The following CSMD1 variants were observed in gnomAD, a reference collection of about 807,000 sequenced individuals.
The protein encoded by CSMD1 is CUB and sushi domain-containing protein 1.
In CSMD1, 213 loss-of-function variants were observed where a neutral mutation model predicts 417.5. That is an observed-to-expected ratio of 0.51 (90% CI 0.46 to 0.57). The LOEUF (loss-of-function observed/expected upper bound fraction) is 0.57. Ranked by LOEUF, CSMD1 falls within the 20% of genes least tolerant of loss-of-function variation. CSMD1 has a pLI of 0.00. For synonymous variants in CSMD1, 2,862 were observed against 1,736.8 expected (o/e 1.65, Z -16.11); for missense variants, 6,923 against 4,529.7 (o/e 1.53, Z -15.17).
intron 26 of CSMD1, among the ~76,000 whole-genome samples, chr8:3,261,307 C>T (rs1367222414): frequency 1.3e-5 from 2 of 152,110 alleles, no homozygotes; most frequent in African/African-American, 4.8e-5. Flanking sequence ...AATTATTTGG[C>T]AGTTAAAAGC....
intron 2 of CSMD1, among the ~76,000 whole-genome samples, chr8:4,520,597 G>A (rs750433056): frequency 1.9e-4 from 29 of 152,076 alleles, no homozygotes; most frequent in Non-Finnish European, 2.9e-4. Context: ...GGGGGCGAAC[G>A]CAGAGCCAAA....
rs571854978 is a variant in CSMD1 at position 4,123,222 on chromosome 8, C to A, written c.416-91123G>T. ...GTTAGGAATTCCTTAGAGCCAAGTT[C>A]ACAGTTAATGACAGAAACATGTAGT... On this transcript the variant is annotated intron_variant, in intron 3 of 69. Coordinates refer to ENST00000635120, the MANE Select transcript of CSMD1 (RefSeq NM_033225.6). 1.8e-4 allele frequency among the ~76,000 whole-genome samples: 27 copies of A among 152,294 alleles called. No homozygotes were observed. In the South Asian group the frequency reaches 5.4e-3, roughly 30 times the overall value.
chr8:3,792,030 A>T (rs952681212), intron 5 of CSMD1, among the ~76,000 whole-genome samples: 3 of 152,130 alleles, frequency 2.0e-5, no homozygotes, highest in African/African-American at 7.2e-5. Context: ...TTTGACAGTC[A>T]ATTAACTTGG....
In CSMD1 at chr8:3,960,718, G is replaced by A. The variant is rs542358413; in HGVS notation, c.818+37185C>T. ...TTTAATAAGATATATTTCTTTTTAA[G>A]GATAAATTTAATTCATTTTTATAAT... On this transcript the variant is annotated intron_variant, in intron 5 of 69. Coordinates refer to ENST00000635120, the MANE Select transcript of CSMD1 (RefSeq NM_033225.6). Among the ~76,000 whole-genome samples, 57 of 151,614 alleles carry A rather than the reference G, an allele frequency of 3.8e-4. No homozygotes were observed. In the South Asian group the frequency reaches 0.011, roughly 30 times the overall value.
intron 3 of CSMD1, among the ~76,000 whole-genome samples, chr8:4,296,875 T>G (rs1293478146): frequency 6.8e-6 from 1 of 146,688 alleles, no homozygotes; most frequent in Non-Finnish European, 1.6e-5. Flanking sequence ...AGACTCCCAA[T>G]TTTTTTAAAA....
At chr8:4,270,020 T>G (rs1258235586) in intron 3 of CSMD1, among the ~76,000 whole-genome samples, 1 of 152,200 alleles carries the variant, frequency 6.6e-6, no homozygotes, top group Non-Finnish European at 1.5e-5. Context: ...GCTTCAACTC[T>G]GCAGTGTATT....
intron 1 of CSMD1, among the ~76,000 whole-genome samples, chr8:4,932,677 T>C (rs1415442391): frequency 1.3e-5 from 2 of 152,194 alleles, no homozygotes; most frequent in Admixed American, 6.5e-5. Flanking sequence ...CAGGAATGAA[T>C]GACACAGTAA....
chr8:3,539,447 G>A (rs1798346694), intron 10 of CSMD1, among the ~76,000 whole-genome samples: 1 of 152,114 alleles, frequency 6.6e-6, no homozygotes, highest in Admixed American at 6.5e-5. Flanking sequence ...ATGACAGTTG[G>A]GTTTATGTGT....
At chr8:3,363,191 C>G (rs1809312374) in intron 20 of CSMD1, among the ~76,000 whole-genome samples, 1 of 152,170 alleles carries the variant, frequency 6.6e-6, no homozygotes, top group Non-Finnish European at 1.5e-5. Context: ...GCTTCACAAT[C>G]AAGTCTCAGC....
intron 3 of CSMD1, among the ~76,000 whole-genome samples, chr8:4,191,546 T>G (rs1274158800): frequency 6.6e-6 from 1 of 152,174 alleles, no homozygotes; most frequent in Non-Finnish European, 1.5e-5. Context: ...TCATCTGAAC[T>G]ACAACTGAAA....
chr8:2,962,134 G>A (rs1803545727), intron 61 of CSMD1, among the ~76,000 whole-genome samples: 1 of 152,182 alleles, frequency 6.6e-6, no homozygotes, highest in African/African-American at 2.4e-5. Context: ...TCTGGGGAGG[G>A]CTGCTTTAGA....
intron 3 of CSMD1, among the ~76,000 whole-genome samples, chr8:4,415,406 A>G (rs548447370): frequency 6.6e-6 from 1 of 152,256 alleles, no homozygotes; most frequent in African/African-American, 2.4e-5. Flanking sequence ...CGGGTTTGAC[A>G]CAAAGTAGGC....
chr8:3,500,343 T>C (rs1191846709), intron 10 of CSMD1, among the ~76,000 whole-genome samples: 1 of 152,138 alleles, frequency 6.6e-6, no homozygotes, highest in Non-Finnish European at 1.5e-5. Context: ...TTTAGACATT[T>C]CTAGATGGTA....
chr8:4,727,747 G>A (rs1203182303), intron 1 of CSMD1, among the ~76,000 whole-genome samples: 1 of 151,608 alleles, frequency 6.6e-6, no homozygotes, highest in Non-Finnish European at 1.5e-5. Flanking sequence ...TTTCTTCTCT[G>A]AATCTCAGTT....
At chr8:4,720,441 G>A (rs1188621299) in intron 1 of CSMD1, among the ~76,000 whole-genome samples, 1 of 152,006 alleles carries the variant, frequency 6.6e-6, no homozygotes, top group Non-Finnish European at 1.5e-5. Flanking sequence ...TTTTTGAGAT[G>A]GAGTCTTGCT....
chr8:4,108,769 G>T (rs568990394), intron 3 of CSMD1, among the ~76,000 whole-genome samples: 1 of 151,646 alleles, frequency 6.6e-6, no homozygotes, highest in Non-Finnish European at 1.5e-5. Flanking sequence ...AGCTCATTAA[G>T]ATCTGAAATA....
chr8:4,864,350 CA>C (rs1199658845), intron 1 of CSMD1, among the ~76,000 whole-genome samples: 1 of 151,546 alleles, frequency 6.6e-6, no homozygotes, highest in African/African-American at 2.4e-5. Flanking sequence ...AGAATGAAAA[CA>C]AAAAACAAGT....
chr8:4,920,143 A>G (rs930902554), intron 1 of CSMD1, among the ~76,000 whole-genome samples: 2 of 152,162 alleles, frequency 1.3e-5, no homozygotes, highest in Non-Finnish European at 2.9e-5. Flanking sequence ...CCTACCTTGT[A>G]TATATAATAT....
intron 3 of CSMD1, among the ~76,000 whole-genome samples, chr8:4,367,094 G>C (rs1279141322): frequency 1.3e-5 from 2 of 152,108 alleles, no homozygotes; most frequent in African/African-American, 2.4e-5. Flanking sequence ...ATTGCTTTTA[G>C]AGACTTATTC....
Sources: gnomAD v4.1 joint callset for allele counts (sites outside exome capture counted in the v4.1 genomes callset) on GRCh38, gnomAD v4.1.1 for gene constraint, MANE v1.5 for transcripts, NCBI Gene and HGNC (gene_info 2026-07-23, HGNC 2026-07-21) for gene names.